The following KLF12 variants were observed in gnomAD, a reference collection of about 807,000 sequenced individuals.
KLF12 encodes KLF transcription factor 12, also known as Krueppel-like factor 12.
In KLF12, 9 loss-of-function variants were observed where a neutral mutation model predicts 37.8. The ratio of observed to expected loss-of-function variants is 0.24; its 90% CI spans 0.14 to 0.42. The LOEUF (loss-of-function observed/expected upper bound fraction) is 0.42. Among genes scored for constraint, KLF12 ranks in the 10% least tolerant of loss-of-function variants. KLF12 has a pLI of 1.00. For synonymous variants in KLF12, 208 were observed against 202.1 expected (o/e 1.03, Z -0.25); for missense variants, 411 against 516.0 (o/e 0.80, Z 1.97).
intron 1 of KLF12, among the ~76,000 whole-genome samples, chr13:74,111,131 C>T (rs1002346868): frequency 6.9e-5 from 10 of 145,554 alleles, no homozygotes; most frequent in South Asian, 2.2e-4. Context: ...CCAGCCTGGG[C>T]GACAGAGCAA....
chr13:74,172,142 GAC>G, the KLF12 span, among the ~76,000 whole-genome samples: 454 of 146,074 alleles, frequency 3.1e-3, 2 homozygotes, highest in African/African-American at 0.011. Context: ...TTTTCCTCAC[GAC>G]ACACACACAC....
intron 7 of KLF12, among the ~76,000 whole-genome samples, chr13:73,712,386 A>G (rs1482007015): frequency 6.6e-6 from 1 of 150,916 alleles, no homozygotes; most frequent in Admixed American, 6.6e-5. Flanking sequence ...TCAAGATGTG[A>G]CTGAATTCCT....
chr13:74,167,389 T>C, the KLF12 span, among the ~76,000 whole-genome samples: 1 of 152,222 alleles, frequency 6.6e-6, no homozygotes, highest in Non-Finnish European at 1.5e-5. Flanking sequence ...CAAGTGGAAA[T>C]AGCTCCTTTT....
chr13:74,225,177 A>G, the KLF12 span, among the ~76,000 whole-genome samples: 1 of 152,158 alleles, frequency 6.6e-6, no homozygotes, highest in African/African-American at 2.4e-5. Flanking sequence ...AGAATTTGAG[A>G]GTCAACATGG....
At chr13:73,762,743 A>G (rs1034018892) in intron 6 of KLF12, among the ~76,000 whole-genome samples, 3 of 152,136 alleles carry the variant, frequency 2.0e-5, no homozygotes, top group Admixed American at 1.3e-4. Context: ...TGCCAGCGTG[A>G]GTCTTTAAAC....
At chr13:74,213,973 GT>G in the KLF12 span, among the ~76,000 whole-genome samples, 1 of 151,700 alleles carries the variant, frequency 6.6e-6, no homozygotes, top group African/African-American at 2.4e-5. Flanking sequence ...TTAATATAAT[GT>G]TTTTACATTA....
chr13:74,022,321 A>T (rs1024629000), intron 1 of KLF12, among the ~76,000 whole-genome samples: 2 of 152,184 alleles, frequency 1.3e-5, no homozygotes, highest in African/African-American at 4.8e-5. Flanking sequence ...AATTTCAGAA[A>T]AAAACATAAT....
At chr13:73,775,390 G>A (rs1880550265) in intron 5 of KLF12, among the ~76,000 whole-genome samples, 2 of 152,080 alleles carry the variant, frequency 1.3e-5, no homozygotes, top group Admixed American at 6.6e-5. Flanking sequence ...ATAATGCTAT[G>A]GTAAGTTTTG....
the KLF12 span, among the ~76,000 whole-genome samples, chr13:74,154,949 C>T: frequency 6.6e-6 from 1 of 152,168 alleles, no homozygotes. Context: ...GCTGGTATCC[C>T]CTAGAATTAG....
chr13:74,291,655 G>C, the KLF12 span, among the ~76,000 whole-genome samples: 4 of 152,172 alleles, frequency 2.6e-5, no homozygotes, highest in South Asian at 8.3e-4. Flanking sequence ...AGACTAGAAA[G>C]TGTTCATGTG....
chr13:73,713,011 T>C (rs1373827983), intron 7 of KLF12, among the ~76,000 whole-genome samples: 1 of 152,182 alleles, frequency 6.6e-6, no homozygotes. Flanking sequence ...GGTACGCCTG[T>C]ATTAAGAGAA....
At chr13:73,915,480 C>T (rs539876366) in intron 3 of KLF12, among the ~76,000 whole-genome samples, 3 of 151,978 alleles carry the variant, frequency 2.0e-5, no homozygotes. Context: ...CCTGCAGTCG[C>T]TGCTCTGATA....
intron 1 of KLF12, among the ~76,000 whole-genome samples, chr13:74,011,679 T>C (rs1892555199): frequency 6.6e-6 from 1 of 152,172 alleles, no homozygotes; most frequent in African/African-American, 2.4e-5. Context: ...GGGCATTGTG[T>C]TGTGAATTTT....
the KLF12 span, among the ~76,000 whole-genome samples, chr13:74,304,724 G>T: frequency 6.6e-6 from 1 of 152,020 alleles, no homozygotes; most frequent in African/African-American, 2.4e-5. Flanking sequence ...TAAAATGAAA[G>T]AAGATGTAGG....
At chr13:74,174,431 G>A in the KLF12 span, among the ~76,000 whole-genome samples, 1 of 150,616 alleles carries the variant, frequency 6.6e-6, no homozygotes, top group Non-Finnish European at 1.5e-5. Flanking sequence ...TAGTAGAGAC[G>A]GGGTTTCACG....
At chr13:73,894,621 C>T (rs1315192603) in intron 3 of KLF12, among the ~76,000 whole-genome samples, 2 of 152,188 alleles carry the variant, frequency 1.3e-5, no homozygotes, top group Non-Finnish European at 2.9e-5. Flanking sequence ...CAATCAATTT[C>T]TCTTAAGCTA....
intron 4 of KLF12, among the ~76,000 whole-genome samples, chr13:73,822,063 A>C (rs1883557515): frequency 6.6e-6 from 1 of 152,236 alleles, no homozygotes; most frequent in Non-Finnish European, 1.5e-5. Context: ...AGTAAAATGT[A>C]AAGTTTAATG....
intron 2 of KLF12, among the ~76,000 whole-genome samples, chr13:73,984,369 G>T (rs376168012): frequency 6.6e-6 from 1 of 152,274 alleles, no homozygotes; most frequent in South Asian, 2.1e-4. Context: ...ACAGGGAAGC[G>T]GCTGGTCCAC....
chr13:74,160,036 A>T, the KLF12 span, among the ~76,000 whole-genome samples: 1 of 150,600 alleles, frequency 6.6e-6, no homozygotes, highest in Admixed American at 6.6e-5. Context: ...GTACTTTTCC[A>T]ACTAGTCCAA....
Sources: allele counts gnomAD v4.1 joint callset (sites outside exome capture counted in the v4.1 genomes callset), GRCh38; gene constraint gnomAD v4.1.1; transcripts MANE v1.5; gene names NCBI Gene and HGNC (gene_info 2026-07-23, HGNC 2026-07-21).